SLA2: variants seen among roughly 807,000 people sequenced by gnomAD.
SLA2 encodes the protein src-like-adapter 2.
A neutral mutation model predicts 27.3 loss-of-function variants in SLA2; 22 were observed. The ratio of observed to expected loss-of-function variants is 0.81; its 90% CI spans 0.58 to 1.15. The LOEUF (loss-of-function observed/expected upper bound fraction) is 1.15. SLA2 is among the 50% of genes most tolerant of loss of function. SLA2 has a pLI of 0.00. For synonymous variants in SLA2, 131 were observed against 137.8 expected (o/e 0.95, Z 0.34); for missense variants, 304 against 322.2 (o/e 0.94, Z 0.43).
chr20:36,639,425 A>ACACACACACACACAC (rs56349624), intron 2 of SLA2, among the ~76,000 whole-genome samples: 1 of 151,280 alleles, frequency 6.6e-6, no homozygotes, highest in South Asian at 2.1e-4. Context: ...ACACACACAC[A>ACACACACACACACAC]ACTATTGGTT....
At chr20:36,643,931 G>A (rs1302381487) in intron 1 of SLA2, among the ~76,000 whole-genome samples, 1 of 151,904 alleles carries the variant, frequency 6.6e-6, no homozygotes, top group East Asian at 1.9e-4. Flanking sequence ...CAGCCTGGGC[G>A]ACAGAGCGAG....
At chr20:36,643,527 C>T (rs1253080706) in intron 1 of SLA2, among the ~76,000 whole-genome samples, 2 of 152,128 alleles carry the variant, frequency 1.3e-5, no homozygotes, top group Non-Finnish European at 1.5e-5. Context: ...TGGATGAGGA[C>T]GGGCGTCCAT....
chr20:36,645,275 G>T (rs1202612576), intron 1 of SLA2, among the ~76,000 whole-genome samples: 1 of 151,334 alleles, frequency 6.6e-6, no homozygotes, highest in Admixed American at 6.6e-5. Flanking sequence ...GCTAAGGCAG[G>T]AGGATCACTT....
intron 5 of SLA2, among the ~76,000 whole-genome samples, chr20:36,619,554 G>T (rs574174291): frequency 5.3e-4 from 81 of 151,796 alleles, no homozygotes; most frequent in African/African-American, 2.0e-3. Flanking sequence ...ACTGAAGTGG[G>T]AGGGTCACTT....
At chr20:36,638,371 C>T (rs1031733044) in intron 2 of SLA2, among the ~76,000 whole-genome samples, 3 of 152,010 alleles carry the variant, frequency 2.0e-5, no homozygotes, top group African/African-American at 7.2e-5. Context: ...CTCTGTCCCC[C>T]AGGCTGGAGT....
intron 1 of SLA2, among the ~76,000 whole-genome samples, chr20:36,645,502 C>T (rs948643167): frequency 3.3e-5 from 5 of 152,138 alleles, no homozygotes; most frequent in African/African-American, 1.2e-4. Context: ...GTAGCCCTCA[C>T]GTTCCTGACT....
intron 2 of SLA2, among the ~76,000 whole-genome samples, chr20:36,637,182 C>T (rs1230553935): frequency 1.4e-5 from 2 of 142,896 alleles, no homozygotes; most frequent in South Asian, 2.3e-4. Flanking sequence ...CTCTAAGGTG[C>T]GCGTGTGTGT....
chr20:36,642,440 G>A (rs867951735), intron 1 of SLA2, among the ~76,000 whole-genome samples: 2 of 151,560 alleles, frequency 1.3e-5, no homozygotes, highest in African/African-American at 2.4e-5. Flanking sequence ...GTGTCACTCC[G>A]TCACCCAGGC....
intron 5 of SLA2, among the ~76,000 whole-genome samples, chr20:36,631,392 G>C (rs2039392307): frequency 6.6e-6 from 1 of 152,184 alleles, no homozygotes; most frequent in African/African-American, 2.4e-5. Flanking sequence ...GGGCACAAGT[G>C]ATTCTCCCAC....
chr20:36,616,048 G>A (rs900117978), intron 5 of SLA2, among the ~76,000 whole-genome samples: 2 of 152,156 alleles, frequency 1.3e-5, no homozygotes, highest in Non-Finnish European at 2.9e-5. Context: ...CATACATTCA[G>A]CCTGATTCTA....
chr20:36,616,049 C>A (rs1336583455), intron 5 of SLA2, among the ~76,000 whole-genome samples: 1 of 152,116 alleles, frequency 6.6e-6, no homozygotes, highest in Non-Finnish European at 1.5e-5. Context: ...ATACATTCAG[C>A]CTGATTCTAT....
At chr20:36,614,969 G>A in intron 6 of SLA2, 9 of 985,400 alleles carry the variant, frequency 9.1e-6, no homozygotes, top group Non-Finnish European at 1.1e-5. Context: ...CAGGGGCTCT[G>A]AGTCAGAACC....
chr20:36,639,356 CCTCCACAA>C (rs1316691643), intron 2 of SLA2, among the ~76,000 whole-genome samples: 1 of 151,834 alleles, frequency 6.6e-6, no homozygotes, highest in Non-Finnish European at 1.5e-5. Context: ...AGACTTACAG[CCTCCACAA>C]CTGTGTGAGC....
Position 36,632,701 on chromosome 20 carries a change from G to A in SLA2, c.279-3C>T, listed in dbSNP as rs776439841. On this transcript the variant is annotated splice_polypyrimidine_tract_variant and splice_region_variant and intron_variant, in intron 4 of 7. Transcript: ENST00000262866. ...TGCTCAGGCCCTCATACAGCCACCT[G>A]GCGGAGCGAAAGAGAGGGACAAGGG... is the stretch of plus-strand genomic sequence containing the variant. 8.7e-6 allele frequency: 14 copies of A among 1,613,082 alleles called. No homozygotes were observed. Among genetic ancestry groups the A allele is most frequent in the Admixed American group, 3.3e-5 (2 of 59,946 alleles).
intron 3 of SLA2, among the ~76,000 whole-genome samples, chr20:36,634,118 G>C (rs997937571): frequency 6.6e-6 from 1 of 151,878 alleles, no homozygotes; most frequent in Non-Finnish European, 1.5e-5. Context: ...CTCCCAAGTA[G>C]CTGGGATTAC....
intron 5 of SLA2, among the ~76,000 whole-genome samples, chr20:36,629,868 G>A (rs1228172765): frequency 6.6e-6 from 1 of 151,866 alleles, no homozygotes; most frequent in African/African-American, 2.4e-5. Flanking sequence ...AACCCAGGAG[G>A]CAGAGGCTGC....
chr20:36,636,751 C>A (rs910669871), intron 2 of SLA2, among the ~76,000 whole-genome samples: 17 of 150,640 alleles, frequency 1.1e-4, no homozygotes, highest in Non-Finnish European at 1.6e-4. Flanking sequence ...AGTTCCAGAC[C>A]AGCCTGGCCA....
Position 36,613,631 on chromosome 20 carries a change from C to A in SLA2, c.*235G>T. Reference sequence around the variant, plus strand: ...CTTTTTGGAACCCTGGCCCTGGTCCCACCTTCTCTGCACTCGCACTAGAGG... The same window carrying A: ...CTTTTTGGAACCCTGGCCCTGGTCCAACCTTCTCTGCACTCGCACTAGAGG... On this transcript the variant is annotated 3_prime_UTR_variant, in exon 8 of 8. Transcript: ENST00000262866. 2.2e-6 allele frequency: 1 copy of A among 453,852 alleles called. No homozygotes were observed. The allele number at this position is 453,852 out of a possible 1,614,324, so 28.1% of individuals were successfully genotyped here.
At chr20:36,643,053 G>T (rs1473460429) in intron 1 of SLA2, among the ~76,000 whole-genome samples, 2 of 152,166 alleles carry the variant, frequency 1.3e-5, no homozygotes, top group East Asian at 3.8e-4. Context: ...GAGTTTACTT[G>T]TTTAATCTGC....
Sources: allele counts gnomAD v4.1 joint callset (sites outside exome capture counted in the v4.1 genomes callset), GRCh38; gene constraint gnomAD v4.1.1; transcripts MANE v1.5; gene names NCBI Gene and HGNC (gene_info 2026-07-23, HGNC 2026-07-21).